The following CFH variants were observed in gnomAD, a reference collection of about 807,000 sequenced individuals.
CFH encodes complement factor H.
CFH carries 53 observed loss-of-function variants against 147.3 expected under a neutral mutation model. The observed-to-expected ratio is 0.36, with a 90% CI of 0.29 to 0.45. CFH has a LOEUF of 0.45. Among genes scored for constraint, CFH ranks in the 20% least tolerant of loss-of-function variants. The probability of loss-of-function intolerance (pLI) is 1.00; values close to 1 mark genes in which losing one functional copy is unlikely to be tolerated. For synonymous variants in CFH, 536 were observed against 489.4 expected (o/e 1.10, Z -1.26); for missense variants, 1,380 against 1,498.0 (o/e 0.92, Z 1.30).
At chr1:196,664,152 C>T (rs1351363269) in intron 1 of CFH, among the ~76,000 whole-genome samples, 2 of 152,096 alleles carry the variant, frequency 1.3e-5, no homozygotes, top group East Asian at 1.9e-4. Flanking sequence ...AACTCCTGGG[C>T]TCAAGAGACC....
chr1:196,677,881 T>A lies in CFH; in HGVS notation c.619+214T>A, dbSNP rs549457268. The stretch of plus-strand genomic sequence containing the variant: ...TGATTTACTTACTCATCACTTTCAT[T>A]TTATAATGGAAGAGACTGGTGCAAA... On this transcript the variant is annotated intron_variant, in intron 5 of 21. Coordinates refer to ENST00000367429, the MANE Select transcript of CFH (RefSeq NM_000186.4). 2.3e-3 allele frequency: 1,211 copies of A among 528,108 alleles called. 27 individuals carry two copies. The South Asian group carries it at 0.023, about 10-fold the overall frequency. The allele number at this position is 528,108 out of a possible 1,614,324, so 32.7% of individuals were successfully genotyped here.
At chr1:196,721,198 T>A (rs1213117446) in intron 11 of CFH, among the ~76,000 whole-genome samples, 1 of 152,048 alleles carries the variant, frequency 6.6e-6, no homozygotes, top group African/African-American at 2.4e-5. Context: ...AGATTCTGGA[T>A]ATTAGCCCTT....
intron 1 of CFH, 59 bp downstream of exon 1, chr1:196,652,234 C>T (rs967374928): frequency 7.7e-7 from 1 of 1,295,644 alleles, no homozygotes; most frequent in Non-Finnish European, 1.1e-6. Context: ...GCTAATGATG[C>T]TTTTCACAGG....
intron 7 of CFH, among the ~76,000 whole-genome samples, chr1:196,687,018 T>C (rs1039410458): frequency 1.3e-5 from 2 of 152,076 alleles, no homozygotes; most frequent in African/African-American, 4.8e-5. Context: ...AGGATGATAA[T>C]AAGGAATCTG....
chr1:196,725,902 C>T (rs1224132457), intron 12 of CFH, among the ~76,000 whole-genome samples: 2 of 152,162 alleles, frequency 1.3e-5, no homozygotes, highest in Non-Finnish European at 2.9e-5. Flanking sequence ...GATGAAGTTT[C>T]AACATGGGGT....
At chr1:196,730,219 A>T (rs1669250402) in intron 15 of CFH, among the ~76,000 whole-genome samples, 1 of 151,836 alleles carries the variant, frequency 6.6e-6, no homozygotes, top group Non-Finnish European at 1.5e-5. Context: ...ATAGGCAATT[A>T]TTCCTAAAAA....
intron 1 of CFH, among the ~76,000 whole-genome samples, chr1:196,666,189 T>A (rs747165936): frequency 1.2e-4 from 18 of 152,200 alleles, no homozygotes; most frequent in Non-Finnish European, 2.4e-4. Context: ...GAATTGGGTA[T>A]CCTTAGTTTA....
At chr1:196,702,613 A>G (rs1668488007) in intron 9 of CFH, among the ~76,000 whole-genome samples, 3 of 151,914 alleles carry the variant, frequency 2.0e-5, no homozygotes, top group South Asian at 2.1e-4. Flanking sequence ...GGCACCCCCA[A>G]TTTGCTCAAT....
At chr1:196,662,819 C>T (rs570671100) in intron 1 of CFH, among the ~76,000 whole-genome samples, 30 of 151,752 alleles carry the variant, frequency 2.0e-4, no homozygotes, top group African/African-American at 6.3e-4. Flanking sequence ...GGGTCAGGGT[C>T]GCAGCGAGCT....
At chr1:196,724,867 T>C (rs955054499) in intron 11 of CFH, among the ~76,000 whole-genome samples, 10 of 152,200 alleles carry the variant, frequency 6.6e-5, no homozygotes, top group African/African-American at 2.4e-5. Flanking sequence ...ACTAGATTCA[T>C]TGTAAATAAG....
At position 196,676,456 on chromosome 1, in the gene CFH, G is replaced by A. The variant is rs16840410; in HGVS notation, c.427+391G>A. 1.7e-3 allele frequency among the ~76,000 whole-genome samples: 265 copies of A among 152,164 alleles called. 4 individuals are homozygous for A. The East Asian group carries it at 0.045, about 26-fold the overall frequency. ...GGGATCTATGGTAACAGCTGAAGTG[G>A]AGAACGTGATTGAGACCTCCCACTA... On this transcript the variant is annotated intron_variant, in intron 4 of 21. Transcript: ENST00000367429.
chr1:196,692,750 CTTTCTTTCTTTCTT>C (rs1668089204), intron 9 of CFH, among the ~76,000 whole-genome samples: 3 of 7,760 alleles, frequency 3.9e-4, no homozygotes, highest in Non-Finnish European at 5.6e-4. Flanking sequence ...CTTTCTTTTT[CTTTCTTTCTTTCTT>C]TCTTTCTTTC....
In CFH at chr1:196,690,307, A is replaced by T. The variant is rs1348029616; in HGVS notation, c.1336+68A>T. 3 of 1,589,706 alleles carry T rather than the reference A, an allele frequency of 1.9e-6. No individual in the cohort carries two copies. The East Asian group carries it at 6.7e-5, about 36-fold the overall frequency. On this transcript the variant is annotated intron_variant, in intron 9 of 21. Coordinates refer to ENST00000367429, the MANE Select transcript of CFH (RefSeq NM_000186.4). ...TAAGTAACATAGATGACATTCTAAG[A>T]CTCATCTATATTAATTGTGGCAAAA... is the stretch of plus-strand genomic sequence containing the variant.
chr1:196,698,068 T>C (rs1466804439), intron 9 of CFH, among the ~76,000 whole-genome samples: 1 of 151,222 alleles, frequency 6.6e-6, no homozygotes, highest in Non-Finnish European at 1.5e-5. Context: ...GAAGAGTTAA[T>C]GGGTGCAGCA....
At chr1:196,693,120 G>T (rs922762948) in intron 9 of CFH, among the ~76,000 whole-genome samples, 4 of 151,796 alleles carry the variant, frequency 2.6e-5, no homozygotes, top group African/African-American at 9.7e-5. Flanking sequence ...ACAGTCAATT[G>T]TCAGTGAATC....
chr1:196,746,146 A>C, intron 21 of CFH, 147 bp downstream of exon 21: 2 of 1,492,428 alleles, frequency 1.3e-6, no homozygotes, highest in Admixed American at 3.8e-5. Flanking sequence ...AGTAAAGTTT[A>C]GAAATTTTTC....
At chr1:196,713,428 T>C (rs1668771185) in intron 9 of CFH, among the ~76,000 whole-genome samples, 1 of 152,190 alleles carries the variant, frequency 6.6e-6, no homozygotes. Flanking sequence ...TAATACTCAT[T>C]GTCTATTGAG....
At chr1:196,710,130 T>A (rs1051539940) in intron 9 of CFH, among the ~76,000 whole-genome samples, 2 of 152,062 alleles carry the variant, frequency 1.3e-5, no homozygotes, top group Non-Finnish European at 2.9e-5. Flanking sequence ...TTCCACATCC[T>A]GGTGACTTCA....
At chr1:196,738,410 G>C (rs1328840814) in intron 17 of CFH, among the ~76,000 whole-genome samples, 1 of 152,100 alleles carries the variant, frequency 6.6e-6, no homozygotes, top group African/African-American at 2.4e-5. Context: ...AGTCCTCTCT[G>C]CTTATGAGCC....
Sources: allele counts gnomAD v4.1 joint callset (sites outside exome capture counted in the v4.1 genomes callset), GRCh38; gene constraint gnomAD v4.1.1; transcripts MANE v1.5; gene names NCBI Gene and HGNC (gene_info 2026-07-23, HGNC 2026-07-21).